The following SOX5 variants were observed in gnomAD, a reference collection of about 807,000 sequenced individuals.
SOX5 encodes the protein transcription factor SOX-5.
SOX5 carries 9 observed loss-of-function variants against 92.0 expected under a neutral mutation model. The observed-to-expected ratio is 0.10, with a 90% CI of 0.06 to 0.17. The LOEUF is 0.17. SOX5 is among the 10% of genes least tolerant of loss of function. SOX5 has a pLI of 1.00. For missense variants in SOX5, 642 were observed against 944.5 expected, an observed-to-expected ratio of 0.68 and a Z score of 4.20; for synonymous variants, 344 against 336.3, an observed-to-expected ratio of 1.02 and a Z score of -0.25.
At chr12:24,008,837 C>T (rs1397429475) in intron 4 of SOX5, among the ~76,000 whole-genome samples, 1 of 152,108 alleles carries the variant, frequency 6.6e-6, no homozygotes, top group Non-Finnish European at 1.5e-5. Context: ...TGTGGACTCA[C>T]CTCCTCTTAA....
chr12:24,499,521 T>C (rs923842972), intron 1 of SOX5, among the ~76,000 whole-genome samples: 26 of 152,246 alleles, frequency 1.7e-4, no homozygotes, highest in Non-Finnish European at 2.9e-5. Flanking sequence ...TCAGTCTGAA[T>C]GGTACACATC....
At chr12:23,962,224 A>C (rs530153113) in intron 4 of SOX5, among the ~76,000 whole-genome samples, 30 of 77,690 alleles carry the variant, frequency 3.9e-4, no homozygotes, top group Admixed American at 1.5e-3. Context: ...AACAAACAAC[A>C]AAAAAGACCT....
intron 3 of SOX5, among the ~76,000 whole-genome samples, chr12:24,246,033 T>C (rs1338535324): frequency 1.3e-5 from 2 of 152,232 alleles, no homozygotes; most frequent in Admixed American, 6.5e-5. Context: ...CACTGATTAA[T>C]ATCAAGTGTT....
chr12:24,117,965 G>C (rs1006554696), intron 4 of SOX5, among the ~76,000 whole-genome samples: 1 of 143,316 alleles, frequency 7.0e-6, no homozygotes, highest in African/African-American at 2.6e-5. Flanking sequence ...GTTGCAGTAA[G>C]CCCAGATGGT....
At chr12:24,378,774 G>A (rs985889661) in intron 1 of SOX5, among the ~76,000 whole-genome samples, 2 of 152,106 alleles carry the variant, frequency 1.3e-5, no homozygotes, top group Non-Finnish European at 2.9e-5. Flanking sequence ...CATAAACAGA[G>A]CACAGCTGTG....
chr12:23,903,440 C>A (rs548961065), intron 1 of SOX5, among the ~76,000 whole-genome samples: 64 of 152,134 alleles, frequency 4.2e-4, no homozygotes, highest in Non-Finnish European at 6.0e-4. Flanking sequence ...CAAAATTAGC[C>A]GGGTATGATG....
At chr12:24,131,178 C>T (rs957976098) in intron 4 of SOX5, among the ~76,000 whole-genome samples, 2 of 152,116 alleles carry the variant, frequency 1.3e-5, no homozygotes, top group African/African-American at 4.8e-5. Context: ...AACCAGAAAG[C>T]ATAAAATGTT....
intron 4 of SOX5, among the ~76,000 whole-genome samples, chr12:24,089,939 T>C (rs1944441606): frequency 2.6e-5 from 4 of 152,194 alleles, no homozygotes; most frequent in Admixed American, 6.5e-5. Flanking sequence ...ATCTCTGTTA[T>C]ATAGGAAATG....
In SOX5 at chr12:24,281,249, A is replaced by AC. The variant is rs1355465164; in HGVS notation, c.-173-3938_-173-3937insG. ...AAATTACCAAAAGGAAAAAAAAAAA[A>AC]AAAAAAAACTGTTGTTCTTTATTCC... is the stretch of plus-strand genomic sequence containing the variant. On this transcript the variant is annotated intron_variant, in intron 2 of 4. Transcript: ENST00000446891. Among the ~76,000 whole-genome samples, 205 of 151,860 alleles carry AC rather than the reference A, an allele frequency of 1.3e-3. 1 individual carries two copies. Among genetic ancestry groups the AC allele is most frequent in the African/African-American group, 4.6e-3 (191 of 41,432 alleles).
intron 9 of SOX5, among the ~76,000 whole-genome samples, chr12:23,583,025 G>A (rs1950253625): frequency 1.3e-5 from 2 of 151,944 alleles, no homozygotes; most frequent in Non-Finnish European, 2.9e-5. Flanking sequence ...ATACACGCAA[G>A]CACACACATA....
At chr12:24,397,023 G>A (rs978620108) in intron 1 of SOX5, among the ~76,000 whole-genome samples, 1 of 152,214 alleles carries the variant, frequency 6.6e-6, no homozygotes, top group African/African-American at 2.4e-5. Flanking sequence ...TACATATAGA[G>A]AGTTGTGTTA....
chr12:23,628,665 G>A (rs2078144480), intron 8 of SOX5, among the ~76,000 whole-genome samples: 1 of 151,962 alleles, frequency 6.6e-6, no homozygotes, highest in African/African-American at 2.4e-5. Context: ...TAAGAGAAAG[G>A]TCAAGATTAA....
chr12:24,057,114 T>G (rs1958209384), intron 4 of SOX5, among the ~76,000 whole-genome samples: 1 of 151,984 alleles, frequency 6.6e-6, no homozygotes, highest in Non-Finnish European at 1.5e-5. Flanking sequence ...AGAGGTGCAT[T>G]TTAATCTGCG....
intron 2 of SOX5, among the ~76,000 whole-genome samples, chr12:23,853,545 T>G (rs77045578): frequency 1.4e-5 from 2 of 144,454 alleles, no homozygotes; most frequent in African/African-American, 5.1e-5. Flanking sequence ...TCTAACGTGT[T>G]TTTTTTTTTT....
intron 4 of SOX5, among the ~76,000 whole-genome samples, chr12:24,053,307 G>C (rs12425162): frequency 0.23 from 34,486 of 150,806 alleles, 4,039 homozygotes; most frequent in Middle Eastern, 0.33. Flanking sequence ...TTTTTATACT[G>C]TTAGTAGAGA....
chr12:23,794,824 G>C (rs1177069587), intron 3 of SOX5, among the ~76,000 whole-genome samples: 2 of 151,942 alleles, frequency 1.3e-5, no homozygotes, highest in Non-Finnish European at 2.9e-5. Flanking sequence ...TATAGTACTG[G>C]CATTAAAATA....
chr12:23,689,371 T>A (rs569353401), intron 6 of SOX5, among the ~76,000 whole-genome samples: 1 of 152,122 alleles, frequency 6.6e-6, no homozygotes, highest in Non-Finnish European at 1.5e-5. Flanking sequence ...GAGCTTTTAA[T>A]CTTCTGTGAC....
intron 1 of SOX5, among the ~76,000 whole-genome samples, chr12:24,472,241 G>A (rs1944894065): frequency 6.6e-6 from 1 of 152,190 alleles, no homozygotes; most frequent in Admixed American, 6.5e-5. Flanking sequence ...CACTGGGATT[G>A]ACAGCCCAAT....
Position 24,081,018 on chromosome 12 carries a change from C to T in SOX5, c.-2+132325G>A, listed in dbSNP as rs144429132. On this transcript the variant is annotated intron_variant, in intron 4 of 4. Transcript: ENST00000446891. ...CTCTCTGTAATTATTAGCAGTAATA[C>T]GCTTATTAACTTGTGAATTTAATAC... Among the ~76,000 whole-genome samples, 50 of 152,040 alleles carry T rather than the reference C, an allele frequency of 3.3e-4. 1 individual carries two copies. The East Asian group carries it at 4.6e-3, about 14-fold the overall frequency.
Sources: allele counts gnomAD v4.1 joint callset (sites outside exome capture counted in the v4.1 genomes callset), GRCh38; gene constraint gnomAD v4.1.1; transcripts MANE v1.5; gene names NCBI Gene and HGNC (gene_info 2026-07-23, HGNC 2026-07-21).